Variants in SLC4A4 observed in about 807,000 individuals in gnomAD.
SLC4A4 encodes the protein solute carrier family 4 member 4.
SLC4A4 carries 27 observed loss-of-function variants against 111.5 expected under a neutral mutation model. The observed-to-expected ratio is 0.24, with a 90% CI of 0.18 to 0.33. The LOEUF is 0.33. Among genes scored for constraint, SLC4A4 ranks in the 10% least tolerant of loss-of-function variants. SLC4A4 has a pLI of 1.00. For missense variants in SLC4A4, 909 were observed against 1,315.5 expected (o/e 0.69, Z 4.78); for synonymous variants, 443 against 463.4 (o/e 0.96, Z 0.57).
intron 1 of SLC4A4, among the ~76,000 whole-genome samples, chr4:71,079,925 A>G (rs1362622338): frequency 6.6e-6 from 1 of 151,338 alleles, no homozygotes; most frequent in Non-Finnish European, 1.5e-5. Context: ...TATGAAGTAT[A>G]AGGACTCTTG....
intron 3 of SLC4A4, among the ~76,000 whole-genome samples, chr4:71,334,923 G>C (rs182057801): frequency 2.2e-4 from 34 of 152,196 alleles, no homozygotes; most frequent in Non-Finnish European, 7.4e-5. Context: ...ATTTTTTTCT[G>C]TTAGAGGTGG....
intron 1 of SLC4A4, among the ~76,000 whole-genome samples, chr4:71,068,407 C>A (rs934138156): frequency 1.3e-5 from 2 of 151,902 alleles, no homozygotes; most frequent in Admixed American, 1.3e-4. Flanking sequence ...ATACATCCAT[C>A]TCACCACCAC....
chr4:71,200,062 G>T lies in SLC4A4; in HGVS notation c.-2+12661G>T, dbSNP rs189042732. ...TGGAATAAATTCTTAGTTCTGTAGA[G>T]AAAGTGAGGATTTAGTCCTTAGGTG... On this transcript the variant is annotated intron_variant, in intron 1 of 25. Coordinates refer to ENST00000264485, the MANE Select transcript of SLC4A4 (RefSeq NM_001098484.3). 1.1e-3 allele frequency among the ~76,000 whole-genome samples: 170 copies of T among 152,334 alleles called. 1 individual carries two copies. The highest frequency in any genetic ancestry group is 3.4e-3 in the Middle Eastern group (1 of 294).
intron 14 of SLC4A4, among the ~76,000 whole-genome samples, chr4:71,476,295 TAGTG>T (rs1393152877): frequency 2.0e-5 from 3 of 151,806 alleles, no homozygotes; most frequent in East Asian, 1.9e-4. Context: ...TGAAAGATGA[TAGTG>T]AGAGAGTAAT....
intron 3 of SLC4A4, among the ~76,000 whole-genome samples, chr4:71,330,238 A>G (rs1323950605): frequency 6.6e-6 from 1 of 152,130 alleles, no homozygotes; most frequent in African/African-American, 2.4e-5. Flanking sequence ...TTTTTGCATC[A>G]GTGTTCATTA....
At chr4:71,359,361 T>A (rs78604390) in intron 6 of SLC4A4, among the ~76,000 whole-genome samples, 1,996 of 152,316 alleles carry the variant, frequency 0.013, 47 homozygotes, top group African/African-American at 0.045. Context: ...GTGTGGAATA[T>A]GATTAGACCT....
intron 1 of SLC4A4, among the ~76,000 whole-genome samples, chr4:71,220,704 T>C (rs955614377): frequency 5.3e-5 from 8 of 152,060 alleles, no homozygotes; most frequent in Non-Finnish European, 1.2e-4. Flanking sequence ...TTTTATTTTA[T>C]TTTATTTATT....
chr4:71,331,376 A>G (rs1727973336), intron 3 of SLC4A4, among the ~76,000 whole-genome samples: 1 of 152,196 alleles, frequency 6.6e-6, no homozygotes, highest in African/African-American at 2.4e-5. Context: ...TGTGGCACAT[A>G]TACACCATGG....
intron 5 of SLC4A4, among the ~76,000 whole-genome samples, chr4:71,353,217 T>G (rs563850768): frequency 2.6e-5 from 4 of 152,194 alleles, no homozygotes; most frequent in Admixed American, 6.5e-5. Flanking sequence ...CTCCATGCAT[T>G]TACTTTAAAA....
At chr4:71,346,639 G>T (rs1048605227) in intron 4 of SLC4A4, among the ~76,000 whole-genome samples, 2 of 151,974 alleles carry the variant, frequency 1.3e-5, no homozygotes, top group East Asian at 1.9e-4. Flanking sequence ...AATGGGCTCT[G>T]ATTTGAACTG....
chr4:71,525,611 T>A (rs887991111), intron 16 of SLC4A4, among the ~76,000 whole-genome samples: 1 of 152,116 alleles, frequency 6.6e-6, no homozygotes, highest in Admixed American at 6.6e-5. Context: ...AACATTTGAT[T>A]TGGATGGACA....
chr4:71,361,826 G>T (rs1461425415), intron 6 of SLC4A4, among the ~76,000 whole-genome samples: 2 of 152,078 alleles, frequency 1.3e-5, no homozygotes, highest in Admixed American at 1.3e-4. Context: ...TATTTAGTTT[G>T]CTTTTTATTA....
intron 2 of SLC4A4, among the ~76,000 whole-genome samples, chr4:71,159,644 A>T (rs546592677): frequency 2.0e-4 from 30 of 152,314 alleles, no homozygotes; most frequent in African/African-American, 7.2e-4. Flanking sequence ...GATTACAGGT[A>T]TGAGCCACAG....
intron 7 of SLC4A4, among the ~76,000 whole-genome samples, chr4:71,430,580 A>C (rs11932088): frequency 2.0e-5 from 3 of 152,098 alleles, no homozygotes; most frequent in East Asian, 1.9e-4. Context: ...ATTGAAGCCC[A>C]AAAGGGGATT....
chr4:71,260,104 G>A, intron 3 of SLC4A4, among the ~76,000 whole-genome samples: 1 of 152,128 alleles, frequency 6.6e-6, no homozygotes, highest in East Asian at 1.9e-4. Flanking sequence ...AGTGAACATT[G>A]TTCTGTGAGC....
intron 1 of SLC4A4, among the ~76,000 whole-genome samples, chr4:71,066,264 T>C (rs746547902): frequency 6.6e-6 from 1 of 152,206 alleles, no homozygotes; most frequent in African/African-American, 2.4e-5. Flanking sequence ...ATGTTTCTAA[T>C]TGGTGATACT....
intron 16 of SLC4A4, among the ~76,000 whole-genome samples, chr4:71,528,668 G>A (rs115366436): frequency 3.2e-4 from 48 of 151,938 alleles, no homozygotes; most frequent in African/African-American, 1.1e-3. Context: ...TTATGATATT[G>A]TTCATTATAG....
rs772578212 is a variant in SLC4A4, at chr4:71,557,790, C to T, written c.2842C>T (p.Arg948Cys). 41 of 1,612,598 alleles carry T rather than the reference C, an allele frequency of 2.5e-5. 1 individual carries two copies. The highest frequency in any genetic ancestry group is 3.3e-5 in the South Asian group (3 of 91,068). Residue 948 changes from arginine to cysteine, a missense_variant, in exon 22 of 26, where the codon CGC becomes TGC. Arg to Cys is a radical substitution (Grantham distance 180, BLOSUM62 -3). Transcript: ENST00000264485. The stretch of plus-strand genomic sequence containing the variant: ...CATCTACCTGCGTCATGTTCCTCTG[C>T]GCAGAGTCCACCTGTTCACTTTCCT... The part of the protein sequence containing the change: ...DFIYLRHVPL[R>C]RVHLFTFLQV...
chr4:71,149,888 AATT>A (rs1053510399), intron 2 of SLC4A4, among the ~76,000 whole-genome samples: 6 of 152,196 alleles, frequency 3.9e-5, no homozygotes, highest in African/African-American at 1.4e-4. Context: ...CCCTAAATCC[AATT>A]AGCCATCTGG....
Sources: gnomAD v4.1 joint callset for allele counts (sites outside exome capture counted in the v4.1 genomes callset) on GRCh38, gnomAD v4.1.1 for gene constraint, MANE v1.5 for transcripts, NCBI Gene and HGNC (gene_info 2026-07-23, HGNC 2026-07-21) for gene names.